The following XDH variants were observed in gnomAD, a reference collection of about 807,000 sequenced individuals.
XDH encodes the protein xanthine dehydrogenase/oxidase.
A neutral mutation model predicts 156.1 loss-of-function variants in XDH; 138 were observed. The observed-to-expected ratio is 0.88, with a 90% CI of 0.77 to 1.02. The LOEUF (loss-of-function observed/expected upper bound fraction) is 1.02. Ranked by LOEUF, XDH falls within the 50% of genes least tolerant of loss-of-function variation. The probability of loss-of-function intolerance (pLI) is 0.00; values close to 1 mark genes in which losing one functional copy is unlikely to be tolerated. For synonymous variants in XDH, 669 were observed against 625.7 expected, an observed-to-expected ratio of 1.07 and a Z score of -1.03; for missense variants, 1,849 against 1,684.9, an observed-to-expected ratio of 1.10 and a Z score of -1.71.
chr2:31,350,347 C>T, intron 24 of XDH, 124 bp from the exon 25 acceptor site: 1 of 884,378 alleles, frequency 1.1e-6, no homozygotes, highest in Non-Finnish European at 1.8e-6. Context: ...TTATTTCTCC[C>T]CCAGGATATT....
chr2:31,337,508 G>C, intron 35 of XDH, 133 bp downstream of exon 35: 1 of 1,201,478 alleles, frequency 8.3e-7, no homozygotes, highest in South Asian at 1.3e-5. Context: ...CACAATGAAG[G>C]GTGGCCATTG....
chr2:31,386,802 G>T (rs1014716581), intron 8 of XDH, among the ~76,000 whole-genome samples: 5 of 152,054 alleles, frequency 3.3e-5, no homozygotes, highest in African/African-American at 1.2e-4. Context: ...TGAGGGTCAA[G>T]GAGGTTATGG....
chr2:31,361,343 A>T (rs1242614850), intron 24 of XDH, among the ~76,000 whole-genome samples: 1 of 152,234 alleles, frequency 6.6e-6, no homozygotes, highest in Admixed American at 6.5e-5. Context: ...TTCAGACTTT[A>T]GCCAGTTTTC....
At chr2:31,388,567 C>G (rs1435482393) in intron 6 of XDH, among the ~76,000 whole-genome samples, 1 of 152,226 alleles carries the variant, frequency 6.6e-6, no homozygotes, top group African/African-American at 2.4e-5. Flanking sequence ...AAGCTAGGTC[C>G]TACTTTATCA....
At chr2:31,377,295 G>C in intron 13 of XDH, 58 bp from the exon 14 acceptor site, 2 of 1,603,894 alleles carry the variant, frequency 1.2e-6, no homozygotes, top group Non-Finnish European at 1.7e-6. Flanking sequence ...GCTGCAAATG[G>C]CAGACCCAAA....
At chr2:31,353,449 T>C (rs960745894) in intron 24 of XDH, among the ~76,000 whole-genome samples, 4 of 152,140 alleles carry the variant, frequency 2.6e-5, no homozygotes, top group African/African-American at 9.7e-5. Flanking sequence ...ATATATTTAT[T>C]TAAAATCAAC....
At chr2:31,353,916 C>G (rs777572922) in intron 24 of XDH, among the ~76,000 whole-genome samples, 1 of 152,066 alleles carries the variant, frequency 6.6e-6, no homozygotes, top group Non-Finnish European at 1.5e-5. Context: ...TTGCTGATGG[C>G]CAGTCATAAG....
rs1685930369 is a variant in XDH, at chr2:31,366,948, G to A, written c.2244C>T (p.His748=). ...CGCCTTTTGGAACAGCAATGGTGCA[G>A]TGAGTCTCCAGGTAGAAGTGCTCTT... ...GGQEHFYLET[H]CTIAVPKGEA... Residue 748 remains histidine (H), a synonymous_variant, in exon 21 of 36, where the codon CAC becomes CAT. Transcript: ENST00000379416. 6.2e-7 allele frequency: 1 copy of A among 1,614,118 alleles called. No homozygotes were observed. The highest frequency in any genetic ancestry group is 8.5e-7 in the Non-Finnish European group (1 of 1,179,934).
chr2:31,345,711 G>C (rs1685266576), intron 30 of XDH, among the ~76,000 whole-genome samples: 2 of 152,066 alleles, frequency 1.3e-5, no homozygotes, highest in South Asian at 4.1e-4. Flanking sequence ...ATGCTTGTGT[G>C]CGTTTGTGTG....
At chr2:31,381,574 C>G in intron 12 of XDH, 59 bp downstream of exon 12, 1 of 1,551,820 alleles carries the variant, frequency 6.4e-7, no homozygotes, top group Non-Finnish European at 8.9e-7. Flanking sequence ...AATGACCTAT[C>G]TGGTGAGACT....
At chr2:31,337,271 T>A (rs984691440) in intron 35 of XDH, among the ~76,000 whole-genome samples, 1 of 151,770 alleles carries the variant, frequency 6.6e-6, no homozygotes, top group Non-Finnish European at 1.5e-5. Flanking sequence ...TACAGTGTCC[T>A]TAACATAAAT....
rs45469499 is a variant in XDH at position 31,386,503 on chromosome 2, G to A, written c.704C>T (p.Thr235Met). 2.6e-4 allele frequency: 418 copies of A among 1,614,114 alleles called. No individual in the cohort carries two copies. Among genetic ancestry groups the A allele is most frequent in the Middle Eastern group, 2.0e-3 (12 of 6,054 alleles). ...CTTGAGGGTTGAGGCCTGTATCCAC[G>A]TCACACGCTCCCCTTCAAATCGCAG... ...KQLRFEGERV[T>M]WIQASTLKEL... Residue 235 changes from threonine (T) to methionine (M), a missense_variant, in exon 9 of 36, where the codon ACG becomes ATG. Coordinates refer to ENST00000379416, the MANE Select transcript of XDH (RefSeq NM_000379.4).
chr2:31,347,387 T>C, intron 29 of XDH, 135 bp downstream of exon 29: 1 of 1,335,142 alleles, frequency 7.5e-7, no homozygotes, highest in East Asian at 2.3e-5. Flanking sequence ...AGCATCCTCC[T>C]GGATAAGGGA....
At chr2:31,351,957 A>C (rs1685491932) in intron 24 of XDH, among the ~76,000 whole-genome samples, 1 of 152,206 alleles carries the variant, frequency 6.6e-6, no homozygotes, top group Non-Finnish European at 1.5e-5. Flanking sequence ...ATTTCATAAC[A>C]TTATAACCTG....
At position 31,339,693 on chromosome 2, in the gene XDH, A is replaced by G. The variant is rs917631684; in HGVS notation, c.3586-16T>C. The G allele has an allele frequency of 4.1e-5, 66 of 1,613,516 alleles. 1 individual carries two copies. The highest frequency in any genetic ancestry group is 5.6e-5 in the Non-Finnish European group (66 of 1,179,864). On this transcript the variant is annotated splice_polypyrimidine_tract_variant and intron_variant, in intron 33 of 35. Transcript: ENST00000379416. ...CCCCTTCCACCTGCAGGATGGATGG[A>G]GAGCACAGTTAGCCTGCCACCTTCT...
chr2:31,405,780 C>A, intron 2 of XDH, 127 bp downstream of exon 2: 1 of 1,013,364 alleles, frequency 9.9e-7, no homozygotes, highest in Non-Finnish European at 1.6e-6. Context: ...GTCCCAAGTC[C>A]TAATCCAGTG....
Position 31,349,834 on chromosome 2 carries a change from T to C in XDH, c.2824-3A>G, listed in dbSNP as rs367958237. 4 of 1,613,848 alleles carry C rather than the reference T, an allele frequency of 2.5e-6. No individual in the cohort carries two copies. The highest frequency in any genetic ancestry group is 3.4e-6 in the Non-Finnish European group (4 of 1,180,022). On this transcript the variant is annotated splice_polypyrimidine_tract_variant and splice_region_variant and intron_variant, in intron 25 of 35. Coordinates refer to ENST00000379416, the MANE Select transcript of XDH (RefSeq NM_000379.4). Reference sequence around the variant, plus strand: ...TTGTACAGGTTTTTTCTCCGCACCTTCCCAAGGAGAGAGACACAGAGGCCT... The same window carrying C: ...TTGTACAGGTTTTTTCTCCGCACCTCCCCAAGGAGAGAGACACAGAGGCCT...
rs766239730 is a variant in XDH, at chr2:31,381,741, G to A, written c.1039-15C>T. ...CCTCCAACGGACTAAAACAAGCAGAGAGCATGCAGTGAGAGCCCACCCCAG... is the reference window on the plus strand; with the variant it reads ...CCTCCAACGGACTAAAACAAGCAGAAAGCATGCAGTGAGAGCCCACCCCAG... On this transcript the variant is annotated splice_polypyrimidine_tract_variant and intron_variant, in intron 11 of 35. Transcript: ENST00000379416. 5 of 1,608,630 alleles carry A rather than the reference G, an allele frequency of 3.1e-6. No individual in the cohort carries two copies. The highest frequency in any genetic ancestry group is 3.4e-5 in the Admixed American group (2 of 59,402).
In XDH at chr2:31,381,701, G is replaced by A. The variant is rs1686440547; in HGVS notation, c.1064C>T (p.Ala355Val). Residue 355 changes from alanine (A) to valine (V), a missense_variant, in exon 12 of 36, where the codon GCC (alanine) becomes GTC (valine). Coordinates refer to ENST00000379416, the MANE Select transcript of XDH (RefSeq NM_000379.4). ...VASVGGNIIT[A>V]SPISDLNPVF... is the part of the protein sequence containing the mutation. ...GGGGTTGAGGTCGGAGATGGGGCTG[G>A]CAGTGATGATGTTCCCTCCAACGGA... 1.2e-6 allele frequency: 2 copies of A among 1,613,924 alleles called. No individual in the cohort carries two copies. Among genetic ancestry groups the A allele is most frequent in the Non-Finnish European group, 1.7e-6 (2 of 1,179,952 alleles).
Sources: allele counts gnomAD v4.1 joint callset (sites outside exome capture counted in the v4.1 genomes callset), GRCh38; gene constraint gnomAD v4.1.1; transcripts MANE v1.5; gene names NCBI Gene and HGNC (gene_info 2026-07-23, HGNC 2026-07-21).